The following CASZ1 variants were observed in gnomAD, a reference collection of about 807,000 sequenced individuals.
CASZ1 encodes the protein zinc finger protein castor homolog 1.
CASZ1 carries 28 observed loss-of-function variants against 135.2 expected under a neutral mutation model. The ratio of observed to expected loss-of-function variants is 0.21; its 90% CI spans 0.15 to 0.28. The LOEUF (loss-of-function observed/expected upper bound fraction) is 0.28, where lower values mean the gene tolerates loss of function less well. Ranked by LOEUF, CASZ1 falls within the 10% of genes least tolerant of loss-of-function variation. The pLI is 1.00. For synonymous variants in CASZ1, 1,068 were observed against 1,073.4 expected, an observed-to-expected ratio of 0.99 and a Z score of 0.10; for missense variants, 2,161 against 2,453.3, an observed-to-expected ratio of 0.88 and a Z score of 2.52.
rs1044021204 is a variant in CASZ1 at position 10,739,985 on chromosome 1, C to T, written c.-77+20716G>A. ...GGAGCCCATGGACAAGGTCTCATTCCAGTGGCCCGGTGTCACAGCGTGTCC... is the reference window on the plus strand; with the variant it reads ...GGAGCCCATGGACAAGGTCTCATTCTAGTGGCCCGGTGTCACAGCGTGTCC... On this transcript the variant is annotated intron_variant, in intron 2 of 20. Coordinates refer to ENST00000377022, the MANE Select transcript of CASZ1 (RefSeq NM_001079843.3). The surrounding 1 kb of genome is among the most constrained non-coding windows in gnomAD (Gnocchi z 4.8). Among the ~76,000 whole-genome samples, 3 of 152,184 alleles carry T rather than the reference C, an allele frequency of 2.0e-5. No individual in the cohort carries two copies. Among genetic ancestry groups the T allele is most frequent in the African/African-American group, 7.2e-5 (3 of 41,440 alleles).
intron 2 of CASZ1, among the ~76,000 whole-genome samples, chr1:10,744,257 G>A (rs1381918614): frequency 6.6e-6 from 1 of 150,776 alleles, no homozygotes; most frequent in African/African-American, 2.4e-5. Flanking sequence ...GCATGGTAAA[G>A]AGAGCCAAGG....
intron 4 of CASZ1, among the ~76,000 whole-genome samples, chr1:10,693,497 CAAAAAAAAA>C (rs1172496673): frequency 4.3e-5 from 1 of 23,276 alleles, no homozygotes; most frequent in African/African-American, 1.8e-4. Flanking sequence ...TTGCAGAGAA[CAAAAAAAAA>C]AAAAAAAAAA....
chr1:10,656,572 C>T (rs1285926289), intron 8 of CASZ1, 74 bp downstream of exon 8: 20 of 1,194,956 alleles, frequency 1.7e-5, no homozygotes, highest in East Asian at 2.5e-5. Flanking sequence ...CTGCCGTCCC[C>T]GCCTGCCGAC....
At chr1:10,677,083 G>GC (rs1055720561) in intron 4 of CASZ1, among the ~76,000 whole-genome samples, 83 of 152,258 alleles carry the variant, frequency 5.5e-4, no homozygotes, top group African/African-American at 1.9e-3. Flanking sequence ...GGGCTCCATC[G>GC]CCCCCCGCCT....
chr1:10,688,603 G>A (rs566422638), intron 4 of CASZ1, among the ~76,000 whole-genome samples: 163 of 152,304 alleles, frequency 1.1e-3, no homozygotes, highest in Non-Finnish European at 2.0e-3. Context: ...CTAGGCAGAC[G>A]CTGCCAACAC....
In CASZ1 at chr1:10,747,756, C is replaced by T. The variant is rs961063255; in HGVS notation, c.-77+12945G>A. Among the ~76,000 whole-genome samples, 2 of 152,130 alleles carry T rather than the reference C, an allele frequency of 1.3e-5. No homozygotes were observed. Among genetic ancestry groups the T allele is most frequent in the African/African-American group, 2.4e-5 (1 of 41,422 alleles). ...AGGGGTGTCTCACCACACCTAGCTC[C>T]CCCTCCAGAATGAGCAATCACTGGG... On this transcript the variant is annotated intron_variant, in intron 2 of 20. Transcript: ENST00000377022. This position sits in a 1 kb window ranked among gnomAD's most constrained non-coding sequence, Gnocchi z 4.3.
At chr1:10,785,508 C>G (rs1370782211) in intron 1 of CASZ1, among the ~76,000 whole-genome samples, 1 of 152,200 alleles carries the variant, frequency 6.6e-6, no homozygotes, top group Non-Finnish European at 1.5e-5. Flanking sequence ...AAGTGCCCCT[C>G]GCCCCTCCAG....
intron 1 of CASZ1, among the ~76,000 whole-genome samples, chr1:10,775,639 C>T (rs769358581): frequency 6.6e-6 from 1 of 152,114 alleles, no homozygotes; most frequent in Admixed American, 6.5e-5. Context: ...TTCAAGGGGA[C>T]GGGTGTGAAC....
intron 18 of CASZ1, among the ~76,000 whole-genome samples, chr1:10,643,732 G>A (rs1385101664): frequency 6.6e-6 from 1 of 152,148 alleles, no homozygotes; most frequent in East Asian, 1.9e-4. Flanking sequence ...ACGGGGCCTC[G>A]CTCTGGGCCG....
Position 10,647,558 on chromosome 1 carries a change from G to GCA in CASZ1, c.3497+241_3497+242dup. On this transcript the variant is annotated intron_variant, in intron 16 of 20. Transcript: ENST00000377022. The surrounding 1 kb of genome is among the most constrained non-coding windows in gnomAD (Gnocchi z 4.9). The stretch of plus-strand genomic sequence containing the variant: ...CCCTGGCAGGATCACCACATGCCCT[G>GCA]CAGGAGCAGTAGCCACTGCCGCCAC... 1 of 1,398,508 alleles carries GCA rather than the reference G, an allele frequency of 7.2e-7. No homozygotes were observed. The highest frequency in any genetic ancestry group is 9.3e-7 in the Non-Finnish European group (1 of 1,076,092). 86.6% of individuals were successfully genotyped at this position (1,398,508 alleles called of 1,614,324 possible). A position where few individuals can be genotyped will look rare whatever the true frequency, so the allele number is the denominator to read the frequency against.
rs1642018374 is a variant in CASZ1 at position 10,637,119 on chromosome 1, TC to T, written c.*1822del. The T allele has an allele frequency of 6.6e-6, 1 of 151,462 alleles. No homozygotes were observed. The highest frequency in any genetic ancestry group is 1.5e-5 in the Non-Finnish European group (1 of 67,546). 9.4% of individuals were successfully genotyped at this position (151,462 alleles called of 1,614,324 possible). ...CACTGTCGGCATCTTCTTCTTTTCT[TC>T]TTTTTTTTTTTTAAGTTTGATTTTG... On this transcript the variant is annotated 3_prime_UTR_variant, in exon 21 of 21. Coordinates refer to ENST00000377022, the MANE Select transcript of CASZ1 (RefSeq NM_001079843.3).
At chr1:10,642,662 G>T (rs545585166) in intron 20 of CASZ1, among the ~76,000 whole-genome samples, 197 bp downstream of exon 20, 1 of 152,230 alleles carries the variant, frequency 6.6e-6, no homozygotes, top group Non-Finnish European at 1.5e-5. Context: ...TGACGCAAAG[G>T]GCAGTGCCAG....
At position 10,647,848 on chromosome 1, in the gene CASZ1, C is replaced by G; in HGVS notation, c.3450G>C (p.Glu1150Asp). The change falls in exon 16 of 21, where the codon GAG (glutamate) becomes GAC (aspartate). Residue 1150 changes from glutamate to aspartate, a missense_variant. This residue lies in a region of CASZ1 where 349 missense variants were observed against 460.8 expected (regional missense o/e 0.76). Transcript: ENST00000377022. This position sits in a 1 kb window ranked among gnomAD's most constrained non-coding sequence, Gnocchi z 4.9. ...CGGGTTTGACCTGGGGCTTGGCGTTCTCTAGAGAAGTCGTTGCCAAGGGCG... is the reference window on the plus strand; with the variant it reads ...CGGGTTTGACCTGGGGCTTGGCGTTGTCTAGAGAAGTCGTTGCCAAGGGCG... ...PASPLATTSL[E>D]NAKPQVKPGF... 1 of 1,613,944 alleles carries G rather than the reference C, an allele frequency of 6.2e-7. No individual in the cohort carries two copies. Among genetic ancestry groups the G allele is most frequent in the South Asian group, 1.1e-5 (1 of 91,078 alleles).
At position 10,719,917 on chromosome 1, in the gene CASZ1, G is replaced by A. The variant is rs994861761; in HGVS notation, c.-76-14373C>T. Among the ~76,000 whole-genome samples, 1 of 152,256 alleles carries A rather than the reference G, an allele frequency of 6.6e-6. No homozygotes were observed. Among genetic ancestry groups the A allele is most frequent in the Non-Finnish European group, 1.5e-5 (1 of 68,042 alleles). The stretch of plus-strand genomic sequence containing the variant: ...TCTTGTCTTCTTGGTGCAGTGAAGA[G>A]GCCAGCAGTGCAGAGATATGGTGCC... On this transcript the variant is annotated intron_variant, in intron 2 of 20. Transcript: ENST00000377022. The surrounding 1 kb of genome is among the most constrained non-coding windows in gnomAD (Gnocchi z 4.0).
Position 10,724,189 on chromosome 1 carries a change from A to G in CASZ1, c.-76-18645T>C, listed in dbSNP as rs1355117459. Among the ~76,000 whole-genome samples, 1 of 152,182 alleles carries G rather than the reference A, an allele frequency of 6.6e-6. No individual in the cohort carries two copies. The highest frequency in any genetic ancestry group is 1.5e-5 in the Non-Finnish European group (1 of 68,034). ...AAAAATACCCCAGCACACGATCCAC[A>G]GGGTGAGAGCAAAGGCCACGTGGTC... is the stretch of plus-strand genomic sequence containing the variant. On this transcript the variant is annotated intron_variant, in intron 2 of 20. Coordinates refer to ENST00000377022, the MANE Select transcript of CASZ1 (RefSeq NM_001079843.3). This position sits in a 1 kb window ranked among gnomAD's most constrained non-coding sequence, Gnocchi z 4.1.
At chr1:10,687,451 C>A (rs553253547) in intron 4 of CASZ1, among the ~76,000 whole-genome samples, 34 of 152,380 alleles carry the variant, frequency 2.2e-4, no homozygotes, top group Non-Finnish European at 4.3e-4. Context: ...GTGGGACATT[C>A]TAAGAGCAGA....
chr1:10,760,773 G>GT lies in CASZ1; in HGVS notation c.-150dup, dbSNP rs1159079117. 3 of 152,296 alleles carry GT rather than the reference G, an allele frequency of 2.0e-5. No homozygotes were observed. Among genetic ancestry groups the GT allele is most frequent in the Non-Finnish European group, 4.4e-5 (3 of 68,064 alleles). 9.4% of individuals were successfully genotyped at this position (152,296 alleles called of 1,614,324 possible). A position where few individuals can be genotyped will look rare whatever the true frequency, so the allele number is the denominator to read the frequency against. On this transcript the variant is annotated 5_prime_UTR_variant, in exon 2 of 21. Coordinates refer to ENST00000377022, the MANE Select transcript of CASZ1 (RefSeq NM_001079843.3). Reference sequence around the variant, plus strand: ...TGCTGGGGAGTTGCAGGAGCCCCTTGTAAAGGAGGGGTCGATGGCCGTGGC... The same window carrying GT: ...TGCTGGGGAGTTGCAGGAGCCCCTTGTTAAAGGAGGGGTCGATGGCCGTGGC...
chr1:10,712,048 C>T (rs1276475418), intron 2 of CASZ1, among the ~76,000 whole-genome samples: 1 of 152,174 alleles, frequency 6.6e-6, no homozygotes, highest in Non-Finnish European at 1.5e-5. Context: ...GATTTCTATA[C>T]TTTAAAGTGA....
chr1:10,659,806 T>C lies in CASZ1; in HGVS notation c.1236A>G (p.Pro412=), dbSNP rs1185703832. The change falls in exon 6 of 21, where the codon CCA becomes CCG. Residue 412 remains proline (P), a synonymous_variant. Coordinates refer to ENST00000377022, the MANE Select transcript of CASZ1 (RefSeq NM_001079843.3). ...SVPSAPSAPG[P]GPEPPASLSF... ...ACAGGGAGGCAGGAGGCTCTGGCCCTGGCCCGGGGGCGCTGGGGGCACTGG... is the reference window on the plus strand; with the variant it reads ...ACAGGGAGGCAGGAGGCTCTGGCCCCGGCCCGGGGGCGCTGGGGGCACTGG... 1 of 1,612,518 alleles carries C rather than the reference T, an allele frequency of 6.2e-7. No individual in the cohort carries two copies. The highest frequency in any genetic ancestry group is 1.7e-5 in the Admixed American group (1 of 59,910).
Sources: allele counts gnomAD v4.1 joint callset (sites outside exome capture counted in the v4.1 genomes callset), GRCh38; gene constraint gnomAD v4.1.1; regional missense constraint gnomAD v4.1.1; non-coding constraint Gnocchi (gnomAD v3.1); transcripts MANE v1.5; gene names NCBI Gene and HGNC (gene_info 2026-07-23, HGNC 2026-07-21).